Variants in DLGAP2 observed in about 807,000 individuals in gnomAD.
The protein encoded by DLGAP2 is disks large-associated protein 2.
DLGAP2 carries 26 observed loss-of-function variants against 100.3 expected under a neutral mutation model. The ratio of observed to expected loss-of-function variants is 0.26; its 90% CI spans 0.19 to 0.36. DLGAP2 has a LOEUF of 0.36. Ranked by LOEUF, DLGAP2 falls within the 10% of genes least tolerant of loss-of-function variation. DLGAP2 has a pLI of 1.00. For missense variants in DLGAP2, 1,858 were observed against 1,453.2 expected (o/e 1.28, Z -4.53); for synonymous variants, 886 against 630.1 (o/e 1.41, Z -6.08).
At chr8:1,353,672 G>C (rs1018460946) in intron 3 of DLGAP2, among the ~76,000 whole-genome samples, 1 of 152,138 alleles carries the variant, frequency 6.6e-6, no homozygotes, top group Non-Finnish European at 1.5e-5. Flanking sequence ...TCTTAGATTA[G>C]CAAGCTTTTA....
chr8:1,145,900 G>T (rs567048207), intron 2 of DLGAP2, among the ~76,000 whole-genome samples: 1 of 151,234 alleles, frequency 6.6e-6, no homozygotes, highest in South Asian at 2.1e-4. Context: ...TACTGAGAAT[G>T]ATGATTTCCA....
At chr8:989,325 G>C (rs1271664459) in intron 2 of DLGAP2, among the ~76,000 whole-genome samples, 1 of 152,196 alleles carries the variant, frequency 6.6e-6, no homozygotes, top group Non-Finnish European at 1.5e-5. Flanking sequence ...TGCTCTCCCA[G>C]GGCCTGAGGG....
chr8:1,006,034 C>G (rs1163107928), intron 2 of DLGAP2, among the ~76,000 whole-genome samples: 4 of 152,078 alleles, frequency 2.6e-5, no homozygotes, highest in African/African-American at 9.6e-5. Flanking sequence ...ACTAAAAATA[C>G]AAAAATTAGC....
At chr8:921,571 G>C (rs765767092) in intron 2 of DLGAP2, among the ~76,000 whole-genome samples, 2 of 152,380 alleles carry the variant, frequency 1.3e-5, no homozygotes, top group South Asian at 2.1e-4. Context: ...ATTTCCCATA[G>C]ACAGTCTGTG....
At chr8:1,341,867 G>T (rs1053422863) in intron 3 of DLGAP2, among the ~76,000 whole-genome samples, 1 of 152,246 alleles carries the variant, frequency 6.6e-6, no homozygotes, top group Non-Finnish European at 1.5e-5. Flanking sequence ...GCTGAAATCA[G>T]TTCATGCACT....
chr8:1,340,451 T>A (rs555879016), intron 3 of DLGAP2, among the ~76,000 whole-genome samples: 4 of 152,160 alleles, frequency 2.6e-5, no homozygotes, highest in African/African-American at 4.8e-5. Flanking sequence ...AGAAGACATA[T>A]GTGCAGCCAG....
intron 2 of DLGAP2, among the ~76,000 whole-genome samples, chr8:984,735 T>C (rs1584947478): frequency 1.3e-5 from 2 of 152,368 alleles, no homozygotes; most frequent in Middle Eastern, 6.8e-3. Flanking sequence ...TTATTGCATC[T>C]GTTTTTACAT....
chr8:802,245 T>TA (rs1796182869), intron 1 of DLGAP2, among the ~76,000 whole-genome samples: 1 of 45,240 alleles, frequency 2.2e-5, no homozygotes, highest in African/African-American at 9.6e-5. Context: ...TGGTCTGCAC[T>TA]CCTCCTGGGC....
intron 3 of DLGAP2, among the ~76,000 whole-genome samples, chr8:1,383,403 C>T (rs972044897): frequency 2.6e-5 from 4 of 152,198 alleles, no homozygotes; most frequent in Non-Finnish European, 4.4e-5. Flanking sequence ...TTAATAATCT[C>T]AGACTTTTAT....
intron 12 of DLGAP2, among the ~76,000 whole-genome samples, chr8:1,681,770 G>A (rs1160276319): frequency 6.6e-6 from 1 of 152,232 alleles, no homozygotes; most frequent in Non-Finnish European, 1.5e-5. Context: ...GAGTAGTATT[G>A]TAAGCATTCT....
chr8:841,404 A>G (rs1316309899), intron 1 of DLGAP2, among the ~76,000 whole-genome samples: 1 of 152,138 alleles, frequency 6.6e-6, no homozygotes, highest in East Asian at 1.9e-4. Flanking sequence ...CCTTTCGTAG[A>G]TGTTCATGTT....
intron 2 of DLGAP2, among the ~76,000 whole-genome samples, chr8:1,223,150 C>G (rs376654188): frequency 1.3e-5 from 2 of 152,300 alleles, no homozygotes; most frequent in East Asian, 1.9e-4. Flanking sequence ...GCCTGTTTCC[C>G]TTAGTCCTCC....
At chr8:1,569,860 C>T (rs1010313350) in intron 6 of DLGAP2, among the ~76,000 whole-genome samples, 2 of 151,828 alleles carry the variant, frequency 1.3e-5, no homozygotes, top group African/African-American at 4.9e-5. Context: ...GATAGATCTT[C>T]ACCCCATGGC....
At position 1,534,815 on chromosome 8, in the gene DLGAP2, G is replaced by A. The variant is rs191939044; in HGVS notation, c.173-13811G>A. 2.6e-5 allele frequency among the ~76,000 whole-genome samples: 4 copies of A among 152,328 alleles called. No homozygotes were observed. In the East Asian group the frequency reaches 7.7e-4, roughly 29 times the overall value. The stretch of plus-strand genomic sequence containing the variant: ...GAGTGTAAGTGTGTGTGCGCGTGAT[G>A]TGTGTGCGTGTGCGCACGTGTGCTT... On this transcript the variant is annotated intron_variant, in intron 4 of 14. Coordinates refer to ENST00000637795, the MANE Select transcript of DLGAP2 (RefSeq NM_001346810.2).
intron 3 of DLGAP2, among the ~76,000 whole-genome samples, chr8:1,389,792 A>G (rs527601311): frequency 6.6e-6 from 1 of 152,272 alleles, no homozygotes; most frequent in African/African-American, 2.4e-5. Flanking sequence ...GCGGAGACCC[A>G]GAGCGAGCCT....
chr8:1,277,381 G>T (rs1799719446), intron 3 of DLGAP2, among the ~76,000 whole-genome samples: 1 of 152,074 alleles, frequency 6.6e-6, no homozygotes, highest in African/African-American at 2.4e-5. Flanking sequence ...AAGCACTAAG[G>T]ATGCAGAAAT....
At chr8:1,040,816 C>A (rs941369048) in intron 2 of DLGAP2, among the ~76,000 whole-genome samples, 4 of 152,112 alleles carry the variant, frequency 2.6e-5, no homozygotes, top group Non-Finnish European at 5.9e-5. Flanking sequence ...GAGTCGTGGC[C>A]CCTTCCTGGT....
At chr8:814,744 T>TCGGGAGGCTGAGG (rs1796432140) in intron 1 of DLGAP2, among the ~76,000 whole-genome samples, 1 of 148,382 alleles carries the variant, frequency 6.7e-6, no homozygotes, top group African/African-American at 2.5e-5. Context: ...TCCCAGCTAC[T>TCGGGAGGCTGAGG]CGGGAGGCTG....
chr8:1,036,744 G>A (rs955135070), intron 2 of DLGAP2, among the ~76,000 whole-genome samples: 7 of 152,296 alleles, frequency 4.6e-5, no homozygotes, highest in Non-Finnish European at 5.9e-5. Context: ...GTAGCGGAGC[G>A]TGGAGTGAAC....
Sources: allele counts gnomAD v4.1 joint callset (sites outside exome capture counted in the v4.1 genomes callset), GRCh38; gene constraint gnomAD v4.1.1; transcripts MANE v1.5; gene names NCBI Gene and HGNC (gene_info 2026-07-23, HGNC 2026-07-21).